Variants in FRMD6 observed in about 807,000 individuals in gnomAD.
FRMD6 encodes FERM domain containing 6.
Under a neutral mutation model 73.2 loss-of-function variants are expected in FRMD6, and 37 were observed. The ratio of observed to expected loss-of-function variants is 0.51; its 90% CI spans 0.39 to 0.66. The LOEUF (loss-of-function observed/expected upper bound fraction) is 0.66, where lower values mean the gene tolerates loss of function less well. Ranked by LOEUF, FRMD6 falls within the 30% of genes least tolerant of loss-of-function variation. FRMD6 has a pLI of 0.00. For missense variants in FRMD6, 714 were observed against 780.5 expected, an observed-to-expected ratio of 0.91 and a Z score of 1.02; for synonymous variants, 273 against 282.2, an observed-to-expected ratio of 0.97 and a Z score of 0.33.
chr14:51,675,639 C>CTTTT lies in FRMD6; in HGVS notation c.-146-14051_-146-14048dup, dbSNP rs778470301. ...CCCCCAAGGGGGTGTTAAACAAGGA[C>CTTTT]TTTTGTAGCAGTAGAAAGTCTTGTT... is the stretch of plus-strand genomic sequence containing the variant. On this transcript the variant is annotated intron_variant, in intron 1 of 13. Transcript: ENST00000344768. Among the ~76,000 whole-genome samples, 386 of 152,238 alleles carry CTTTT rather than the reference C, an allele frequency of 2.5e-3. 7 individuals are homozygous for CTTTT. The highest frequency in any genetic ancestry group is 3.4e-4 in the Non-Finnish European group (23 of 68,008).
chr14:51,584,255 A>T (rs893616446), intron 2 of FRMD6: 13 of 152,216 alleles, frequency 8.5e-5, no homozygotes, highest in Admixed American at 2.0e-4. Flanking sequence ...ACTCTGAAAG[A>T]TTCTCCTGGC....
intron 1 of FRMD6, among the ~76,000 whole-genome samples, chr14:51,502,542 C>T (rs533793906): frequency 2.0e-5 from 3 of 152,104 alleles, no homozygotes; most frequent in South Asian, 2.1e-4. Flanking sequence ...GTTCTCTATT[C>T]GTTCCATTGG....
In FRMD6 at chr14:51,715,334, T is replaced by A. The variant is rs1263444511; in HGVS notation, c.859T>A (p.Phe287Ile). Reference sequence around the variant, plus strand: ...TGGTTTCCTTCCAAAGGGTAAGAAATTTGAGATTTTGCCAGATGGCTTGCC... The same window carrying A: ...TGGTTTCCTTCCAAAGGGTAAGAAAATTGAGATTTTGCCAGATGGCTTGCC... Reference protein sequence around the residue: ...VGKLVFVGKKFEILPDGLPSA... With the variant: ...VGKLVFVGKKIEILPDGLPSA... The change falls in exon 10 of 14, where the codon TTT (phenylalanine) becomes ATT (isoleucine). Residue 287 changes from phenylalanine to isoleucine, a missense_variant. Physicochemically the swap from Phe to Ile is conservative, Grantham distance 21 (BLOSUM62 0). Transcript: ENST00000344768. 10 of 1,563,950 alleles carry A rather than the reference T, an allele frequency of 6.4e-6. No homozygotes were observed. The Admixed American group carries it at 1.9e-4, about 29-fold the overall frequency.
chr14:51,672,173 AG>A (rs1411035010), intron 1 of FRMD6, among the ~76,000 whole-genome samples: 2 of 152,254 alleles, frequency 1.3e-5, no homozygotes, highest in African/African-American at 4.8e-5. Context: ...AGCAAAGGTC[AG>A]GGCAACAGTT....
At chr14:51,532,542 T>C (rs1182431922) in intron 1 of FRMD6, among the ~76,000 whole-genome samples, 2 of 152,232 alleles carry the variant, frequency 1.3e-5, no homozygotes, top group Admixed American at 1.3e-4. Context: ...ACTGATCACC[T>C]GCTACTGATT....
At position 51,702,700 on chromosome 14, in the gene FRMD6, ACT is replaced by A. The variant is rs1160543273; in HGVS notation, c.371+115_371+116del. Reference sequence around the variant, plus strand: ...CTTTGTCTTCACCTTTAGGATATAAACTCTGTAGGAGCAGCAATTTTTTTCTT... The same window carrying A: ...CTTTGTCTTCACCTTTAGGATATAAACTGTAGGAGCAGCAATTTTTTTCTT... On this transcript the variant is annotated intron_variant, in intron 5 of 13. Transcript: ENST00000344768. 2.2e-5 allele frequency: 18 copies of A among 836,152 alleles called. No individual in the cohort carries two copies. The African/African-American group carries it at 2.9e-4, about 14-fold the overall frequency. 51.8% of individuals were successfully genotyped at this position (836,152 alleles called of 1,614,324 possible).
At chr14:51,534,347 C>G (rs997653366) in intron 1 of FRMD6, among the ~76,000 whole-genome samples, 3 of 152,180 alleles carry the variant, frequency 2.0e-5, no homozygotes, top group African/African-American at 7.2e-5. Flanking sequence ...CACCAGTCCT[C>G]AAAGCTTAAT....
chr14:51,550,047 T>TA (rs1566807953), intron 1 of FRMD6, among the ~76,000 whole-genome samples: 1 of 152,186 alleles, frequency 6.6e-6, no homozygotes, highest in Non-Finnish European at 1.5e-5. Flanking sequence ...TGTATAGCCT[T>TA]AATGATACTT....
At chr14:51,620,870 C>T (rs1035636038) in intron 2 of FRMD6, among the ~76,000 whole-genome samples, 1 of 152,124 alleles carries the variant, frequency 6.6e-6, no homozygotes, top group Non-Finnish European at 1.5e-5. Flanking sequence ...CTGGCACCAG[C>T]CTTAGAGTGC....
intron 1 of FRMD6, among the ~76,000 whole-genome samples, chr14:51,655,223 G>A (rs188221600): frequency 3.3e-5 from 5 of 152,250 alleles, no homozygotes; most frequent in African/African-American, 1.2e-4. Context: ...GTTTTTAAAC[G>A]TGTACTCCCA....
intron 2 of FRMD6, among the ~76,000 whole-genome samples, chr14:51,612,813 C>A (rs1393480480): frequency 1.3e-5 from 2 of 152,156 alleles, no homozygotes; most frequent in Non-Finnish European, 2.9e-5. Context: ...CAGTTCTCAG[C>A]ACTAGGCAGC....
At chr14:51,435,374 G>A in the FRMD6 span, among the ~76,000 whole-genome samples, 2 of 150,076 alleles carry the variant, frequency 1.3e-5, no homozygotes, top group Admixed American at 1.3e-4. Context: ...CCAAGAGTTC[G>A]AGACCAGCCT....
At chr14:51,627,263 C>G (rs1292364796) in intron 2 of FRMD6, among the ~76,000 whole-genome samples, 1 of 152,164 alleles carries the variant, frequency 6.6e-6, no homozygotes, top group East Asian at 1.9e-4. Context: ...AGATCCTAAA[C>G]CACACTTATT....
the FRMD6 span, among the ~76,000 whole-genome samples, chr14:51,456,556 T>C: frequency 6.6e-6 from 1 of 152,236 alleles, no homozygotes; most frequent in Non-Finnish European, 1.5e-5. Flanking sequence ...CTATCATTGA[T>C]GGGCATTTCT....
At chr14:51,634,565 T>A (rs1891470559) in intron 2 of FRMD6, among the ~76,000 whole-genome samples, 1 of 152,138 alleles carries the variant, frequency 6.6e-6, no homozygotes, top group East Asian at 1.9e-4. Flanking sequence ...TCAAGTACTC[T>A]TGGGAAATCC....
chr14:51,494,657 A>G (rs1333036666), intron 1 of FRMD6, among the ~76,000 whole-genome samples: 1 of 152,188 alleles, frequency 6.6e-6, no homozygotes. Flanking sequence ...ATCTAGGGTC[A>G]TGGGGGCAGC....
intron 1 of FRMD6, among the ~76,000 whole-genome samples, chr14:51,661,179 C>A (rs945444513): frequency 4.6e-5 from 7 of 152,196 alleles, no homozygotes; most frequent in Non-Finnish European, 4.4e-5. Context: ...GTTGGAGATA[C>A]AAATTTGGAA....
At position 51,714,171 on chromosome 14, in the gene FRMD6, A is replaced by G. The variant is rs1445890055; in HGVS notation, c.850-1154A>G. On this transcript the variant is annotated intron_variant, in intron 9 of 13. Coordinates refer to ENST00000344768, the MANE Select transcript of FRMD6 (RefSeq NM_001267046.2). Reference sequence around the variant, plus strand: ...CTCTGTGCCTTGGTTTCATTCTAAAATGTAGATAATTAACTCCCTCCCTAG... The same window carrying G: ...CTCTGTGCCTTGGTTTCATTCTAAAGTGTAGATAATTAACTCCCTCCCTAG... 3 of 152,200 alleles carry G rather than the reference A, an allele frequency of 2.0e-5. No homozygotes were observed. The East Asian group carries it at 5.8e-4, about 29-fold the overall frequency. 9.4% of individuals were successfully genotyped at this position (152,200 alleles called of 1,614,324 possible).
chr14:51,451,944 G>A, the FRMD6 span, among the ~76,000 whole-genome samples: 42 of 152,306 alleles, frequency 2.8e-4, no homozygotes, highest in Admixed American at 6.5e-4. Context: ...TAAGACACCC[G>A]TGGAGGACTT....
Sources: gnomAD v4.1 joint callset for allele counts (sites outside exome capture counted in the v4.1 genomes callset) on GRCh38, gnomAD v4.1.1 for gene constraint, MANE v1.5 for transcripts, NCBI Gene and HGNC (gene_info 2026-07-23, HGNC 2026-07-21) for gene names.